The following HIPK2 variants were observed in gnomAD, a reference collection of about 807,000 sequenced individuals.
The protein encoded by HIPK2 is homeodomain-interacting protein kinase 2.
Under a neutral mutation model 113.7 loss-of-function variants are expected in HIPK2, and 27 were observed. The observed-to-expected ratio is 0.24, with a 90% confidence interval of 0.17 to 0.33. The LOEUF (loss-of-function observed/expected upper bound fraction) is 0.33, where lower values mean the gene tolerates loss of function less well. HIPK2 is among the 10% of genes least tolerant of loss of function. The probability of loss-of-function intolerance (pLI) is 1.00; values close to 1 mark genes in which losing one functional copy is unlikely to be tolerated. For synonymous variants in HIPK2, 631 were observed against 642.2 expected (o/e 0.98, Z 0.26); for missense variants, 1,257 against 1,588.0 (o/e 0.79, Z 3.54).
intron 2 of HIPK2, among the ~76,000 whole-genome samples, chr7:139,669,548 G>T (rs1193905931): frequency 6.6e-6 from 1 of 151,096 alleles, no homozygotes; most frequent in African/African-American, 2.4e-5. Flanking sequence ...TACACGGATG[G>T]TATCTGGCAA....
At chr7:139,689,358 T>C (rs893612471) in intron 2 of HIPK2, among the ~76,000 whole-genome samples, 1 of 152,226 alleles carries the variant, frequency 6.6e-6, no homozygotes, top group Non-Finnish European at 1.5e-5. Flanking sequence ...GATTAAGATT[T>C]AGGCAGTCCA....
Position 139,614,331 on chromosome 7 carries a change from C to T in HIPK2, c.1945G>A (p.Asp649Asn), listed in dbSNP as rs1254370255. 1 of 1,567,626 alleles carries T rather than the reference C, an allele frequency of 6.4e-7. No individual in the cohort carries two copies. The highest frequency in any genetic ancestry group is 1.2e-5 in the South Asian group (1 of 85,962). ...TGTAQICARPDPFQQALIVCP... is the reference protein window; with the variant it reads ...TGTAQICARPNPFQQALIVCP... ...ACGATGAGAGCTTGCTGGAACGGGT[C>T]AGGCCGGGCACAAATCTGGGCTGTT... The change falls in exon 8 of 15, where the codon GAC becomes AAC. Residue 649 changes from aspartate (D) to asparagine (N), a missense_variant. Asp to Asn is a conservative substitution (Grantham distance 23, BLOSUM62 1). Around this residue, in one of 5 missense-constraint regions of HIPK2, gnomAD observed 862 missense variants for 1,004.3 expected, o/e 0.86. Coordinates refer to ENST00000406875, the MANE Select transcript of HIPK2 (RefSeq NM_022740.5).
intron 1 of HIPK2, among the ~76,000 whole-genome samples, chr7:139,776,167 T>C (rs1796739430): frequency 6.6e-6 from 1 of 152,200 alleles, no homozygotes. Context: ...TGATCAGAAA[T>C]TTCGTTTTGT....
At chr7:139,650,047 G>T (rs1801398867) in intron 2 of HIPK2, among the ~76,000 whole-genome samples, 1 of 152,042 alleles carries the variant, frequency 6.6e-6, no homozygotes, top group Non-Finnish European at 1.5e-5. Flanking sequence ...TCTAAGATGG[G>T]ATATAAAAAT....
rs143127092 is a variant in HIPK2, at chr7:139,584,284, T to C, written c.2718-220A>G. On this transcript the variant is annotated intron_variant, in intron 12 of 14. Coordinates refer to ENST00000406875, the MANE Select transcript of HIPK2 (RefSeq NM_022740.5). ...GAAGACATGGAGAAGGGGCTGGTGC[T>C]GGACCCACAGGGGCTTCTGGAAACT... is the stretch of plus-strand genomic sequence containing the variant. Among the ~76,000 whole-genome samples, 782 of 152,238 alleles carry C rather than the reference T, an allele frequency of 5.1e-3. 6 individuals are homozygous for C. Among genetic ancestry groups the C allele is most frequent in the African/African-American group, 0.017 (690 of 41,556 alleles).
chr7:139,665,228 GA>G (rs1408000546), intron 2 of HIPK2, among the ~76,000 whole-genome samples: 1 of 151,950 alleles, frequency 6.6e-6, no homozygotes, highest in Non-Finnish European at 1.5e-5. Context: ...TACAGAGATG[GA>G]GGTCTTACTA....
At position 139,631,069 on chromosome 7, in the gene HIPK2, T is replaced by C; in HGVS notation, c.1347+96A>G. The C allele has an allele frequency of 6.8e-7, 1 of 1,469,998 alleles. No homozygotes were observed. Among genetic ancestry groups the C allele is most frequent in the Non-Finnish European group, 9.1e-7 (1 of 1,100,680 alleles). The allele number at this position is 1,469,998 out of a possible 1,614,324, so 91.1% of individuals were successfully genotyped here. A position where few individuals can be genotyped will look rare whatever the true frequency, so the allele number is the denominator to read the frequency against. On this transcript the variant is annotated intron_variant, in intron 4 of 14. Coordinates refer to ENST00000406875, the MANE Select transcript of HIPK2 (RefSeq NM_022740.5). This position sits in a 1 kb window ranked among gnomAD's most constrained non-coding sequence, Gnocchi z 4.9. ...CAACAGCACCCCCAGTGCCCTCATT[T>C]TGCTGACTGAATCAAAAGCTCCCCA...
chr7:139,609,047 C>G (rs1468543372), intron 9 of HIPK2, among the ~76,000 whole-genome samples: 2 of 152,110 alleles, frequency 1.3e-5, no homozygotes, highest in Non-Finnish European at 2.9e-5. Context: ...TTTCTCTAAC[C>G]CTGCTAGTCA....
chr7:139,728,809 T>G (rs1462141292), intron 1 of HIPK2, among the ~76,000 whole-genome samples: 1 of 152,246 alleles, frequency 6.6e-6, no homozygotes, highest in South Asian at 2.1e-4. Context: ...TTTCCCTTCT[T>G]GGAGATAAGA....
chr7:139,574,407 C>T (rs1798418581), intron 14 of HIPK2, among the ~76,000 whole-genome samples: 1 of 152,166 alleles, frequency 6.6e-6, no homozygotes. Flanking sequence ...AGAAGCGTTG[C>T]TGTTTGAAGT....
At chr7:139,600,900 T>G (rs1799401412) in intron 10 of HIPK2, among the ~76,000 whole-genome samples, 1 of 152,232 alleles carries the variant, frequency 6.6e-6, no homozygotes, top group South Asian at 2.1e-4. Context: ...TCCCTCCAAC[T>G]TTTAAAGTCC....
At chr7:139,622,656 T>A (rs1164173855) in intron 6 of HIPK2, among the ~76,000 whole-genome samples, 1 of 152,150 alleles carries the variant, frequency 6.6e-6, no homozygotes, top group Non-Finnish European at 1.5e-5. Context: ...GTGGCTCAGC[T>A]CCCAGGGCAG....
Position 139,573,011 on chromosome 7 carries a change from G to GGTC in HIPK2, c.3510_3512dup (p.Thr1171dup), listed in dbSNP as rs1798351337. The stretch of plus-strand genomic sequence containing the variant: ...TGGAGGCTGGCGAGGCGCTGATGTA[G>GGTC]GTCTGGTGGGCAAATTGGGCTGGAT... On this transcript the variant is annotated inframe_insertion, in exon 15 of 15. Coordinates refer to ENST00000406875, the MANE Select transcript of HIPK2 (RefSeq NM_022740.5). 1 of 1,612,158 alleles carries GGTC rather than the reference G, an allele frequency of 6.2e-7. No individual in the cohort carries two copies. The highest frequency in any genetic ancestry group is 1.1e-5 in the South Asian group (1 of 90,738).
intron 1 of HIPK2, among the ~76,000 whole-genome samples, chr7:139,762,439 G>A (rs935506596): frequency 2.0e-5 from 3 of 152,302 alleles, no homozygotes; most frequent in Admixed American, 2.0e-4. Context: ...AAAGCTCTAG[G>A]GGAAAAGTGA....
chr7:139,575,071 G>A (rs1241634950), intron 14 of HIPK2, 57 bp downstream of exon 14: 19 of 1,526,126 alleles, frequency 1.2e-5, no homozygotes, highest in African/African-American at 4.1e-5. Flanking sequence ...TCTCTGAAGC[G>A]GAAGGATGAG....
intron 10 of HIPK2, 52 bp downstream of exon 10, chr7:139,604,029 G>A (rs909028420): frequency 4.7e-5 from 76 of 1,610,884 alleles, no homozygotes; most frequent in Non-Finnish European, 5.8e-5. Flanking sequence ...GGCAGTGGAC[G>A]TGCCTCCCAT....
Position 139,729,373 on chromosome 7 carries a change from GA to G in HIPK2, c.20-12359del, listed in dbSNP as rs1795697868. Among the ~76,000 whole-genome samples, 5 of 132,282 alleles carry G rather than the reference GA, an allele frequency of 3.8e-5. 1 individual carries two copies. The highest frequency in any genetic ancestry group is 1.7e-4 in the African/African-American group (5 of 29,990). The allele number at this position is 132,282 out of a possible 152,430, so 86.8% of individuals were successfully genotyped here. A position where few individuals can be genotyped will look rare whatever the true frequency, so the allele number is the denominator to read the frequency against. ...AGAGAGAGAGAGAGAGAGAGAGAGA[GA>G]GAGAGAGAGAATTGGGAGTGGCTTA... On this transcript the variant is annotated intron_variant, in intron 1 of 14. Transcript: ENST00000406875.
chr7:139,562,866 T>C lies in HIPK2; in HGVS notation c.*10061A>G, dbSNP rs1196107531. 6.6e-6 allele frequency: 1 copy of C among 152,254 alleles called. No homozygotes were observed. The allele number at this position is 152,254 out of a possible 1,614,324, so 9.4% of individuals were successfully genotyped here. On this transcript the variant is annotated 3_prime_UTR_variant, in exon 15 of 15. Transcript: ENST00000406875. ...GGTTTGATATATATACACAAACATATATATCAACATCTATCTCTATACAGT... is the reference window on the plus strand; with the variant it reads ...GGTTTGATATATATACACAAACATACATATCAACATCTATCTCTATACAGT...
chr7:139,638,080 T>C (rs1314537390), intron 2 of HIPK2, among the ~76,000 whole-genome samples: 2 of 152,152 alleles, frequency 1.3e-5, no homozygotes, highest in Admixed American at 1.3e-4. Flanking sequence ...AAACCTCTTA[T>C]TTTATGGCCA....
Sources: allele counts gnomAD v4.1 joint callset (sites outside exome capture counted in the v4.1 genomes callset), GRCh38; gene constraint gnomAD v4.1.1; regional missense constraint gnomAD v4.1.1; non-coding constraint Gnocchi (gnomAD v3.1); transcripts MANE v1.5; gene names NCBI Gene and HGNC (gene_info 2026-07-23, HGNC 2026-07-21).